The following ARSJ variants were observed in gnomAD, a reference collection of about 807,000 sequenced individuals.
ARSJ encodes the protein arylsulfatase family member J.
In ARSJ, 26 loss-of-function variants were observed where a neutral mutation model predicts 35.9. That is an observed-to-expected ratio of 0.72 (90% CI 0.53 to 1.00). ARSJ has a LOEUF of 1.00. Ranked by LOEUF, ARSJ falls within the 50% of genes least tolerant of loss-of-function variation. The probability of loss-of-function intolerance (pLI) is 0.00; values close to 1 mark genes in which losing one functional copy is unlikely to be tolerated. For missense variants in ARSJ, 667 were observed against 723.6 expected (o/e 0.92, Z 0.90); for synonymous variants, 294 against 267.6 (o/e 1.10, Z -0.96).
At chr4:113,964,329 A>T (rs1218171663) in intron 1 of ARSJ, among the ~76,000 whole-genome samples, 1 of 152,118 alleles carries the variant, frequency 6.6e-6, no homozygotes, top group Non-Finnish European at 1.5e-5. Context: ...GGAGCACATA[A>T]AAAAGAACTA....
intron 1 of ARSJ, among the ~76,000 whole-genome samples, chr4:113,911,237 A>G (rs896310810): frequency 3.3e-5 from 5 of 152,214 alleles, no homozygotes; most frequent in Non-Finnish European, 7.3e-5. Flanking sequence ...AGAGATTCAG[A>G]CATATCTTGA....
chr4:113,908,920 T>C (rs1368900487), intron 1 of ARSJ, among the ~76,000 whole-genome samples: 1 of 152,136 alleles, frequency 6.6e-6, no homozygotes, highest in Non-Finnish European at 1.5e-5. Context: ...AAGATGAGAA[T>C]TGAAACACAG....
chr4:113,936,498 T>C (rs1562354659), intron 1 of ARSJ, among the ~76,000 whole-genome samples: 1 of 151,942 alleles, frequency 6.6e-6, no homozygotes, highest in Non-Finnish European at 1.5e-5. Flanking sequence ...TTGATTTGAC[T>C]AGAGAATGTT....
At chr4:113,922,087 G>A (rs906727025) in intron 1 of ARSJ, among the ~76,000 whole-genome samples, 6 of 152,150 alleles carry the variant, frequency 3.9e-5, no homozygotes, top group Non-Finnish European at 8.8e-5. Context: ...GGAAGGTGAA[G>A]TAATGTCTAC....
intron 1 of ARSJ, among the ~76,000 whole-genome samples, chr4:113,947,182 T>C (rs1408939707): frequency 2.6e-5 from 4 of 152,020 alleles, no homozygotes; most frequent in African/African-American, 9.7e-5. Flanking sequence ...CCAATAGGGA[T>C]TTAAAATTGA....
intron 1 of ARSJ, among the ~76,000 whole-genome samples, chr4:113,954,887 G>A (rs1257039033): frequency 1.3e-5 from 2 of 151,798 alleles, no homozygotes. Context: ...TCCCTTTGCT[G>A]TTTTCTTTGC....
Position 113,902,008 on chromosome 4 carries a change from A to C in ARSJ, c.*266T>G, listed in dbSNP as rs2099667229. 1.1e-6 allele frequency: 1 copy of C among 924,862 alleles called. No homozygotes were observed. Among genetic ancestry groups the C allele is most frequent in the African/African-American group, 1.7e-5 (1 of 59,962 alleles). The allele number at this position is 924,862 out of a possible 1,614,324, so 57.3% of individuals were successfully genotyped here. ...TGACTGAAGCACAGCAGTGGAACTCAGGACTCACCACGTTTTCTAAAGGAG... is the reference window on the plus strand; with the variant it reads ...TGACTGAAGCACAGCAGTGGAACTCCGGACTCACCACGTTTTCTAAAGGAG... On this transcript the variant is annotated 3_prime_UTR_variant, in exon 2 of 2. Coordinates refer to ENST00000315366, the MANE Select transcript of ARSJ (RefSeq NM_024590.4).
At chr4:113,927,578 T>C (rs930998519) in intron 1 of ARSJ, among the ~76,000 whole-genome samples, 1 of 152,196 alleles carries the variant, frequency 6.6e-6, no homozygotes, top group Non-Finnish European at 1.5e-5. Context: ...CTGGGGTCCT[T>C]ATGGACAGGA....
intron 1 of ARSJ, among the ~76,000 whole-genome samples, chr4:113,906,958 G>C (rs569973769): frequency 6.6e-6 from 1 of 152,170 alleles, no homozygotes; most frequent in African/African-American, 2.4e-5. Context: ...TGAGAAGTCA[G>C]ATTTTTTAAG....
intron 1 of ARSJ, among the ~76,000 whole-genome samples, chr4:113,942,077 TA>T (rs1457540909): frequency 6.6e-6 from 1 of 151,914 alleles, no homozygotes; most frequent in East Asian, 1.9e-4. Flanking sequence ...TCTTGTTAAG[TA>T]AATGAGGTGA....
intron 1 of ARSJ, chr4:113,943,311 G>C (rs1051226835): frequency 6.6e-6 from 1 of 152,006 alleles, no homozygotes; most frequent in African/African-American, 2.4e-5. Context: ...CACACTTCTT[G>C]CTCTCCTGCG....
chr4:113,925,571 G>A (rs1594423087), intron 1 of ARSJ, among the ~76,000 whole-genome samples: 1 of 152,238 alleles, frequency 6.6e-6, no homozygotes, highest in African/African-American at 2.4e-5. Flanking sequence ...ACTGTTTCAG[G>A]ATGATAGGGA....
Position 113,900,457 on chromosome 4 carries a change from G to A in ARSJ, c.*1817C>T, listed in dbSNP as rs1160577479. On this transcript the variant is annotated 3_prime_UTR_variant, in exon 2 of 2. Transcript: ENST00000315366. The stretch of plus-strand genomic sequence containing the variant: ...CATCTTACCCAATTTAGTAATTTCA[G>A]TACTAGATTATAGATTCTTTTATAC... 2.6e-5 allele frequency: 4 copies of A among 151,986 alleles called. No homozygotes were observed. Among genetic ancestry groups the A allele is most frequent in the East Asian group, 1.9e-4 (1 of 5,198 alleles). 9.4% of individuals were successfully genotyped at this position (151,986 alleles called of 1,614,324 possible).
chr4:113,959,683 G>A (rs561005893), intron 1 of ARSJ, among the ~76,000 whole-genome samples: 5 of 152,118 alleles, frequency 3.3e-5, no homozygotes, highest in African/African-American at 1.2e-4. Flanking sequence ...TTTACTTTGT[G>A]TATATTAAAC....
At chr4:113,927,391 G>A (rs1397577728) in intron 1 of ARSJ, among the ~76,000 whole-genome samples, 2 of 152,178 alleles carry the variant, frequency 1.3e-5, no homozygotes, top group Non-Finnish European at 2.9e-5. Flanking sequence ...CTTGTTCACT[G>A]GATCCAATCA....
At position 113,976,886 on chromosome 4, in the gene ARSJ, G is replaced by A. The variant is rs1167615428; in HGVS notation, c.398+1551C>T. 3.3e-5 allele frequency among the ~76,000 whole-genome samples: 5 copies of A among 152,194 alleles called. No homozygotes were observed. The South Asian group carries it at 8.3e-4, about 25-fold the overall frequency. ...TTTCATTTTATTAAGTAAACATAAT[G>A]GTTAAAAGATAAAACCTACATATTG... On this transcript the variant is annotated intron_variant, in intron 1 of 1. Coordinates refer to ENST00000315366, the MANE Select transcript of ARSJ (RefSeq NM_024590.4).
At position 113,904,148 on chromosome 4, in the gene ARSJ, C is replaced by G. The variant is rs554991897; in HGVS notation, c.399-473G>C. On this transcript the variant is annotated intron_variant, in intron 1 of 1. Coordinates refer to ENST00000315366, the MANE Select transcript of ARSJ (RefSeq NM_024590.4). The stretch of plus-strand genomic sequence containing the variant: ...TTCACCATGTTGGCCAGGCTAGTCT[C>G]GAACTCCTGACCTCAAGTGATCTAC... Among the ~76,000 whole-genome samples, 1,018 of 152,006 alleles carry G rather than the reference C, an allele frequency of 6.7e-3. 5 individuals are homozygous for G. The highest frequency in any genetic ancestry group is 0.017 in the African/African-American group (706 of 41,444).
At chr4:113,973,285 A>C (rs1344447331) in intron 1 of ARSJ, among the ~76,000 whole-genome samples, 1 of 152,020 alleles carries the variant, frequency 6.6e-6, no homozygotes, top group Admixed American at 6.6e-5. Context: ...TTTCCCAATC[A>C]CTATTATCTA....
chr4:113,978,459 T>C lies in ARSJ; in HGVS notation c.376A>G (p.Arg126Gly). The change falls in exon 1 of 2, where the codon AGG becomes GGG. Residue 126 changes from arginine to glycine, a missense_variant. Coordinates refer to ENST00000315366, the MANE Select transcript of ARSJ (RefSeq NM_024590.4). ...YYVQPICTPS[R>G]SQFITGKYQI... ...TACTTTCCAGTAATAAACTGACTCC[T>C]GGATGGTGTGCAAATAGGCTGGACA... The C allele has an allele frequency of 6.2e-7, 1 of 1,612,416 alleles. No individual in the cohort carries two copies. The highest frequency in any genetic ancestry group is 8.5e-7 in the Non-Finnish European group (1 of 1,179,044).
Sources: allele counts gnomAD v4.1 joint callset (sites outside exome capture counted in the v4.1 genomes callset), GRCh38; gene constraint gnomAD v4.1.1; transcripts MANE v1.5; gene names NCBI Gene and HGNC (gene_info 2026-07-23, HGNC 2026-07-21).